MTMR12: variants seen among roughly 807,000 people sequenced by gnomAD.
MTMR12 encodes myotubularin-related protein 12.
MTMR12 carries 33 observed loss-of-function variants against 96.7 expected under a neutral mutation model. That is an observed-to-expected ratio of 0.34 (90% confidence interval 0.26 to 0.46). MTMR12 has a LOEUF of 0.46. Among genes scored for constraint, MTMR12 ranks in the 20% least tolerant of loss-of-function variants. MTMR12 has a pLI of 1.00. For synonymous variants in MTMR12, 298 were observed against 327.2 expected (o/e 0.91, Z 0.96); for missense variants, 721 against 896.1 (o/e 0.80, Z 2.49).
intron 15 of MTMR12, chr5:32,232,968 G>A: frequency 1.0e-6 from 1 of 985,104 alleles, no homozygotes. Flanking sequence ...TACCATCACT[G>A]CTCTCTCCTT....
At chr5:32,257,310 T>TA (rs111642876) in intron 7 of MTMR12, among the ~76,000 whole-genome samples, 6,127 of 152,180 alleles carry the variant, frequency 0.04, 412 homozygotes, top group African/African-American at 0.14. Flanking sequence ...ACCCTGTCTT[T>TA]AAAAAATTAA....
chr5:32,257,758 ACT>A (rs1431244077), intron 7 of MTMR12, among the ~76,000 whole-genome samples: 5 of 151,390 alleles, frequency 3.3e-5, no homozygotes. Flanking sequence ...ACAGAGCAAA[ACT>A]CTGTCTCAAA....
chr5:32,294,073 G>C (rs1270011871), intron 1 of MTMR12, among the ~76,000 whole-genome samples: 1 of 151,942 alleles, frequency 6.6e-6, no homozygotes, highest in East Asian at 1.9e-4. Context: ...GCATGCTCCC[G>C]ACTGCCAGTC....
chr5:32,284,542 G>A (rs1429642580), intron 1 of MTMR12, among the ~76,000 whole-genome samples: 1 of 152,172 alleles, frequency 6.6e-6, no homozygotes, highest in Admixed American at 6.6e-5. Flanking sequence ...TCAGCATCCA[G>A]TGAGAGCTGC....
intron 1 of MTMR12, among the ~76,000 whole-genome samples, chr5:32,306,523 G>A (rs1751373050): frequency 6.6e-6 from 1 of 151,904 alleles, no homozygotes; most frequent in Non-Finnish European, 1.5e-5. Flanking sequence ...TTTTTCCTGA[G>A]GGATAAATGA....
rs200844013 is a variant in MTMR12 at position 32,235,068 on chromosome 5, G to C, written c.1406C>G (p.Ala469Gly). 6.2e-7 allele frequency: 1 copy of C among 1,614,124 alleles called. No individual in the cohort carries two copies. Among genetic ancestry groups the C allele is most frequent in the Admixed American group, 1.7e-5 (1 of 60,026 alleles). The change falls in exon 14 of 16, where the codon GCA becomes GGA. Residue 469 changes from alanine to glycine, a missense_variant. Transcript: ENST00000382142. ...VWQLVHQHPP[A>G]FEFTETYLTV... ...CAGGTAAGTCTCTGTGAATTCAAAT[G>C]CCGGGGGATGCTGGTGCACCAGCTG... is the stretch of plus-strand genomic sequence containing the variant.
intron 12 of MTMR12, among the ~76,000 whole-genome samples, chr5:32,240,559 GA>G (rs1561745024): frequency 6.6e-6 from 1 of 152,138 alleles, no homozygotes. Flanking sequence ...GGGTTACAGA[GA>G]AACAGATTTT....
At chr5:32,231,274 G>A (rs369045455) in intron 15 of MTMR12, among the ~76,000 whole-genome samples, 5 of 151,672 alleles carry the variant, frequency 3.3e-5, no homozygotes, top group African/African-American at 4.8e-5. Context: ...GTGGGCACCC[G>A]AGGCTGAGGG....
intron 7 of MTMR12, among the ~76,000 whole-genome samples, chr5:32,257,975 A>T (rs1259709277): frequency 6.6e-6 from 1 of 151,954 alleles, no homozygotes; most frequent in Non-Finnish European, 1.5e-5. Context: ...AAATATAAAA[A>T]ATTGAGCCGA....
intron 1 of MTMR12, 103 bp from the exon 2 acceptor site, chr5:32,276,845 A>C: frequency 1.7e-6 from 1 of 584,720 alleles, no homozygotes. Context: ...ACATACCCTC[A>C]GGAGCTTTTC....
At position 32,312,287 on chromosome 5, in the gene MTMR12, T is replaced by A. The variant is rs926087460; in HGVS notation, c.81+471A>T. On this transcript the variant is annotated intron_variant, in intron 1 of 15. Coordinates refer to ENST00000382142, the MANE Select transcript of MTMR12 (RefSeq NM_001040446.3). The surrounding 1 kb of genome is among the most constrained non-coding windows in gnomAD (Gnocchi z 5.0). Reference sequence around the variant, plus strand: ...GGGAGGCGGACGTAGGTGCAGGGCATCCCGCCAGCCGCACCCGAGGCACTC... The same window carrying A: ...GGGAGGCGGACGTAGGTGCAGGGCAACCCGCCAGCCGCACCCGAGGCACTC... Among the ~76,000 whole-genome samples, 1 of 152,080 alleles carries A rather than the reference T, an allele frequency of 6.6e-6. No individual in the cohort carries two copies. The highest frequency in any genetic ancestry group is 1.5e-5 in the Non-Finnish European group (1 of 68,000).
chr5:32,246,169 A>AGGTTTTTTTTTTTT (rs1554056243), intron 10 of MTMR12, among the ~76,000 whole-genome samples: 1 of 130,826 alleles, frequency 7.6e-6, no homozygotes, highest in Non-Finnish European at 1.6e-5. Flanking sequence ...TTGAGTAGAC[A>AGGTTTTTTTTTTTT]GTTTTTTTTT....
intron 1 of MTMR12, among the ~76,000 whole-genome samples, chr5:32,305,371 C>T (rs1751313419): frequency 6.6e-6 from 1 of 152,042 alleles, no homozygotes; most frequent in Admixed American, 6.6e-5. Context: ...ACGTGTGAGC[C>T]ACCGCTCCTG....
chr5:32,261,043 G>A (rs1324663501), intron 7 of MTMR12, among the ~76,000 whole-genome samples: 2 of 151,386 alleles, frequency 1.3e-5, no homozygotes, highest in Non-Finnish European at 2.9e-5. Flanking sequence ...GACCAGCCTG[G>A]CCAACATTGT....
Position 32,255,706 on chromosome 5 carries a change from C to T in MTMR12, c.776G>A (p.Gly259Asp). ...LPEENVQRFQGHGIPIWCWSC... is the reference protein window; with the variant it reads ...LPEENVQRFQDHGIPIWCWSC... ...AGATGCACTTACTGGTATGCCATGA[C>T]CCTGAAAGCGCTGCACATTCTCTTC... is the stretch of plus-strand genomic sequence containing the variant. Residue 259 changes from glycine to aspartate, a missense_variant, in exon 8 of 16, where the codon GGT (glycine) becomes GAT (aspartate). Transcript: ENST00000382142. The T allele has an allele frequency of 1.9e-6, 3 of 1,611,752 alleles. No individual in the cohort carries two copies.
At chr5:32,260,947 G>T (rs1401770584) in intron 7 of MTMR12, among the ~76,000 whole-genome samples, 1 of 151,642 alleles carries the variant, frequency 6.6e-6, no homozygotes, top group Admixed American at 6.6e-5. Flanking sequence ...TAAAAATGTA[G>T]GTCAGCCAGG....
intron 1 of MTMR12, among the ~76,000 whole-genome samples, chr5:32,307,043 A>G (rs753605702): frequency 6.6e-6 from 1 of 152,214 alleles, no homozygotes; most frequent in Non-Finnish European, 1.5e-5. Context: ...TGTTTACAAT[A>G]TACATTTTTG....
In MTMR12 at chr5:32,273,611, A is replaced by G. The variant is rs181548038; in HGVS notation, c.285+369T>C. Among the ~76,000 whole-genome samples the G allele has an allele frequency of 9.8e-5, 15 of 152,352 alleles. No homozygotes were observed. In the East Asian group the frequency reaches 2.7e-3, roughly 27 times the overall value. ...CACATGAGGTCAAAAGTAAGCCAGT[A>G]TGACATGAGGCACGGGTGAGAAATT... On this transcript the variant is annotated intron_variant, in intron 3 of 15. Coordinates refer to ENST00000382142, the MANE Select transcript of MTMR12 (RefSeq NM_001040446.3).
chr5:32,232,173 C>A (rs966491313), intron 15 of MTMR12, among the ~76,000 whole-genome samples: 2 of 151,528 alleles, frequency 1.3e-5, no homozygotes, highest in East Asian at 3.8e-4. Context: ...TGGGTCCCCC[C>A]CACCGTGTGG....
Sources: gnomAD v4.1 joint callset for allele counts (sites outside exome capture counted in the v4.1 genomes callset) on GRCh38, gnomAD v4.1.1 for gene constraint, Gnocchi (gnomAD v3.1) non-coding constraint, MANE v1.5 for transcripts, NCBI Gene and HGNC (gene_info 2026-07-23, HGNC 2026-07-21) for gene names.